LRCH3: variants seen among roughly 807,000 people sequenced by gnomAD.
LRCH3 encodes the protein DISP complex protein LRCH3.
Under a neutral mutation model 104.5 loss-of-function variants are expected in LRCH3, and 68 were observed. The observed-to-expected ratio is 0.65, with a 90% CI of 0.54 to 0.80. The LOEUF is 0.80. Among genes scored for constraint, LRCH3 ranks in the 30% least tolerant of loss-of-function variants. The probability of loss-of-function intolerance (pLI) is 0.00; values close to 1 mark genes in which losing one functional copy is unlikely to be tolerated. For synonymous variants in LRCH3, 344 were observed against 361.3 expected (o/e 0.95, Z 0.54); for missense variants, 951 against 953.9 (o/e 1.00, Z 0.04).
At chr3:197,867,035 GAGGCCA>G (rs1382155568) in intron 17 of LRCH3, among the ~76,000 whole-genome samples, 1 of 152,172 alleles carries the variant, frequency 6.6e-6, no homozygotes, top group Non-Finnish European at 1.5e-5. Flanking sequence ...AGCACTTTGG[GAGGCCA>G]AGGCGAGCAG....
intron 7 of LRCH3, 47 bp from the exon 8 acceptor site, chr3:197,832,150 C>T (rs781396616): frequency 1.3e-6 from 2 of 1,573,732 alleles, no homozygotes; most frequent in Admixed American, 3.6e-5. Context: ...GCATGATCTG[C>T]CAGGCTCTAA....
rs895448476 is a variant in LRCH3, at chr3:197,885,862, C to G, written c.*2196C>G. On this transcript the variant is annotated 3_prime_UTR_variant, in exon 21 of 21. Coordinates refer to ENST00000425562, the MANE Select transcript of LRCH3 (RefSeq NM_001365715.1). ...TTTGTTTCTGTAGTTGTTAACTGTT[C>G]TGGATTTTCTTTACAATGCATCCAT... 1 of 152,154 alleles carries G rather than the reference C, an allele frequency of 6.6e-6. No individual in the cohort carries two copies. Among genetic ancestry groups the G allele is most frequent in the African/African-American group, 2.4e-5 (1 of 41,440 alleles). The allele number at this position is 152,154 out of a possible 1,614,324, so 9.4% of individuals were successfully genotyped here.
chr3:197,847,552 A>G, intron 11 of LRCH3, 92 bp downstream of exon 11: 5 of 1,072,756 alleles, frequency 4.7e-6, no homozygotes, highest in Non-Finnish European at 5.5e-6. Context: ...ATTGCCAGGT[A>G]TATTTAAGCA....
intron 1 of LRCH3, among the ~76,000 whole-genome samples, chr3:197,798,660 T>C (rs962892811): frequency 5.9e-5 from 9 of 152,222 alleles, no homozygotes; most frequent in Non-Finnish European, 1.2e-4. Flanking sequence ...ACTCACAAAA[T>C]TATGGTTTCA....
At chr3:197,845,495 T>C (rs1198568275) in intron 10 of LRCH3, among the ~76,000 whole-genome samples, 1 of 152,190 alleles carries the variant, frequency 6.6e-6, no homozygotes, top group Non-Finnish European at 1.5e-5. Context: ...ATTTTTGTTT[T>C]TTATGTCTCA....
At chr3:197,858,995 G>T in intron 15 of LRCH3, 90 bp downstream of exon 15, 2 of 901,294 alleles carry the variant, frequency 2.2e-6, no homozygotes, top group Non-Finnish European at 3.8e-6. Context: ...CTAACAATCT[G>T]AAATATAGGA....
chr3:197,813,175 C>CA (rs1335256595), intron 1 of LRCH3, among the ~76,000 whole-genome samples: 1 of 152,120 alleles, frequency 6.6e-6, no homozygotes, highest in African/African-American at 2.4e-5. Context: ...GTGTAATAAT[C>CA]ACATCAGGGT....
At chr3:197,818,233 A>G (rs182585732) in intron 3 of LRCH3, among the ~76,000 whole-genome samples, 16 of 152,312 alleles carry the variant, frequency 1.1e-4, no homozygotes, top group South Asian at 6.2e-4. Context: ...TCACCATAAT[A>G]ATATTATGAA....
chr3:197,812,532 G>GTTTTTTTTTTTTTTTT (rs1733289324), intron 1 of LRCH3, among the ~76,000 whole-genome samples: 3 of 4,622 alleles, frequency 6.5e-4, no homozygotes, highest in Admixed American at 2.5e-3. Context: ...TTTTTTTTTA[G>GTTTTTTTTTTTTTTTT]GTGGAGTCTC....
At chr3:197,806,322 T>C (rs977322337) in intron 1 of LRCH3, among the ~76,000 whole-genome samples, 5 of 151,804 alleles carry the variant, frequency 3.3e-5, no homozygotes, top group African/African-American at 1.2e-4. Flanking sequence ...GACAGGGATC[T>C]TACTGTGTTG....
intron 20 of LRCH3, 49 bp downstream of exon 20, chr3:197,875,824 TA>T: frequency 8.1e-7 from 1 of 1,236,298 alleles, no homozygotes; most frequent in Non-Finnish European, 1.1e-6. Flanking sequence ...TTGGTTGTCC[TA>T]AAATTTTAGA....
chr3:197,844,629 T>C (rs1738330086), intron 10 of LRCH3, among the ~76,000 whole-genome samples: 1 of 151,958 alleles, frequency 6.6e-6, no homozygotes, highest in Non-Finnish European at 1.5e-5. Context: ...TTTTGTTTTT[T>C]TTTTTCCCAG....
Position 197,882,735 on chromosome 3 carries a change from T to C in LRCH3, c.2209-806T>C, listed in dbSNP as rs1432074155. 9 of 985,300 alleles carry C rather than the reference T, an allele frequency of 9.1e-6. No homozygotes were observed. In the East Asian group the frequency reaches 9.1e-4, roughly 99 times the overall value. 61.0% of individuals were successfully genotyped at this position (985,300 alleles called of 1,614,324 possible). On this transcript the variant is annotated intron_variant, in intron 20 of 20. Coordinates refer to ENST00000425562, the MANE Select transcript of LRCH3 (RefSeq NM_001365715.1). The stretch of plus-strand genomic sequence containing the variant: ...AAGGGTTAACCTAACAAATTAACGA[T>C]GCACACATTAAGGAAGCGTTTAACT...
intron 12 of LRCH3, chr3:197,851,007 A>G (rs923018691): frequency 3.2e-5 from 25 of 771,722 alleles, no homozygotes; most frequent in Non-Finnish European, 5.6e-5. Context: ...TTTTCTTTTT[A>G]TGAACAAGGA....
intron 19 of LRCH3, among the ~76,000 whole-genome samples, chr3:197,874,632 C>T (rs767848212): frequency 5.3e-5 from 8 of 152,162 alleles, no homozygotes; most frequent in Non-Finnish European, 1.2e-4. Context: ...GAAAAATTGT[C>T]TTCTGTGAAA....
chr3:197,824,598 A>G (rs1343757738), intron 4 of LRCH3, among the ~76,000 whole-genome samples: 2 of 120,276 alleles, frequency 1.7e-5, no homozygotes, highest in African/African-American at 6.6e-5. Flanking sequence ...AGACAGTCTC[A>G]CTCTGTCACC....
chr3:197,850,746 C>T (rs2109407299), intron 12 of LRCH3: 1 of 1,304,562 alleles, frequency 7.7e-7, no homozygotes, highest in Non-Finnish European at 1.1e-6. Flanking sequence ...GGCCTGCGCA[C>T]ACCTGCCAAC....
rs1740006913 is a variant in LRCH3, at chr3:197,854,437, T to A, written c.1636T>A (p.Leu546Met). The change falls in exon 14 of 21, where the codon TTG becomes ATG. Residue 546 changes from leucine to methionine, a missense_variant. By Grantham distance (15) the Leu-to-Met change is conservative. Coordinates refer to ENST00000425562, the MANE Select transcript of LRCH3 (RefSeq NM_001365715.1). This position sits in a 1 kb window ranked among gnomAD's most constrained non-coding sequence, Gnocchi z 4.5. ...GTCTCAGCACACTGATGATAGTGCC[T>A]TGTGCATGGTAAGAGTTTTGCACAA... The part of the protein sequence containing the change: ...RRSQHTDDSA[L>M]CMSLSGLNQV... 1 of 1,614,014 alleles carries A rather than the reference T, an allele frequency of 6.2e-7. No homozygotes were observed. The highest frequency in any genetic ancestry group is 8.5e-7 in the Non-Finnish European group (1 of 1,179,954).
chr3:197,878,078 C>T (rs1054966094), intron 20 of LRCH3, among the ~76,000 whole-genome samples: 1 of 152,128 alleles, frequency 6.6e-6, no homozygotes, highest in Non-Finnish European at 1.5e-5. Context: ...GCTCTAGTTC[C>T]CTGCCACAGT....
Sources: allele counts gnomAD v4.1 joint callset (sites outside exome capture counted in the v4.1 genomes callset), GRCh38; gene constraint gnomAD v4.1.1; non-coding constraint Gnocchi (gnomAD v3.1); transcripts MANE v1.5; gene names NCBI Gene and HGNC (gene_info 2026-07-23, HGNC 2026-07-21).